RNASEL: variants seen among roughly 807,000 people sequenced by gnomAD.
The protein encoded by RNASEL is 2-5A-dependent ribonuclease.
RNASEL carries 36 observed loss-of-function variants against 50.9 expected under a neutral mutation model. The ratio of observed to expected loss-of-function variants is 0.71; its 90% CI spans 0.54 to 0.93. RNASEL has a LOEUF of 0.93. Ranked by LOEUF, RNASEL falls within the 40% of genes least tolerant of loss-of-function variation. The pLI, the probability that RNASEL is intolerant of heterozygous loss-of-function variation, is 0.00. For synonymous variants in RNASEL, 335 were observed against 335.6 expected, an observed-to-expected ratio of 1.00 and a Z score of 0.02; for missense variants, 860 against 894.5, an observed-to-expected ratio of 0.96 and a Z score of 0.49.
rs550229311 is a variant in RNASEL, at chr1:182,586,888, G to A, written c.-82C>T. The A allele has an allele frequency of 1.3e-6, 2 of 1,575,650 alleles. No homozygotes were observed. Among genetic ancestry groups the A allele is most frequent in the Admixed American group, 1.7e-5 (1 of 59,978 alleles). On this transcript the variant is annotated 5_prime_UTR_variant, in exon 2 of 7. Transcript: ENST00000367559. ...TATCTCCTAGCACTTAATCAAAGAA[G>A]CTTTGAGTGTAAATTGGGATTCTCT...
rs181809139 is a variant in RNASEL at position 182,579,336 on chromosome 1, G to A, written c.1905+1889C>T. The A allele has an allele frequency of 3.0e-4, 301 of 987,680 alleles. No homozygotes were observed. In the African/African-American group the frequency reaches 5.3e-3, roughly 17 times the overall value. 61.2% of individuals were successfully genotyped at this position (987,680 alleles called of 1,614,324 possible). A position where few individuals can be genotyped will look rare whatever the true frequency, so the allele number is the denominator to read the frequency against. On this transcript the variant is annotated intron_variant, in intron 5 of 6. Transcript: ENST00000367559. Reference sequence around the variant, plus strand: ...TGTGCTTGTCACCCTCATAGATACAGAGCCATAGATGGCTCTCATATTTAG... The same window carrying A: ...TGTGCTTGTCACCCTCATAGATACAAAGCCATAGATGGCTCTCATATTTAG...
intron 1 of RNASEL, among the ~76,000 whole-genome samples, chr1:182,588,930 T>G (rs1318614094): frequency 6.6e-6 from 1 of 152,190 alleles, no homozygotes; most frequent in African/African-American, 2.4e-5. Context: ...CTGTGCGACC[T>G]GAGTAAGTCG....
intron 5 of RNASEL, chr1:182,579,807 T>G: frequency 1.0e-6 from 1 of 986,178 alleles, no homozygotes; most frequent in Non-Finnish European, 1.4e-6. Flanking sequence ...CCAGCATGAG[T>G]AATTTGAGTG....
intron 1 of RNASEL, among the ~76,000 whole-genome samples, chr1:182,588,862 A>T (rs751596558): frequency 3.3e-5 from 5 of 152,198 alleles, no homozygotes; most frequent in Non-Finnish European, 7.3e-5. Context: ...CAGAGTAGAG[A>T]AGAGACGAGC....
chr1:182,585,346 T>C lies in RNASEL; in HGVS notation c.1461A>G (p.Gln487=), dbSNP rs1468242082. 1.9e-6 allele frequency: 3 copies of C among 1,613,988 alleles called. No homozygotes were observed. The highest frequency in any genetic ancestry group is 1.3e-5 in the African/African-American group (1 of 74,952). Residue 487 remains glutamine, a synonymous_variant, in exon 2 of 7, where the codon CAA becomes CAG. Coordinates refer to ENST00000367559, the MANE Select transcript of RNASEL (RefSeq NM_021133.4). ...LSCGYTHQDL[Q]PQNILIDSKK... is the part of the protein sequence containing the mutation. ...ACTCACCTATTAAGATGTTTTGTGGTTGCAGATCCTGGTGGGTGTATCCAC... is the reference window on the plus strand; with the variant it reads ...ACTCACCTATTAAGATGTTTTGTGGCTGCAGATCCTGGTGGGTGTATCCAC...
rs144337765 is a variant in RNASEL, at chr1:182,575,521, C to T, written c.2097G>A (p.Leu699=). 6.2e-7 allele frequency: 1 copy of T among 1,614,152 alleles called. No individual in the cohort carries two copies. The highest frequency in any genetic ancestry group is 1.7e-5 in the Admixed American group (1 of 60,022). Residue 699 remains leucine, a synonymous_variant, in exon 7 of 7, where the codon CTG becomes CTA. Transcript: ENST00000367559. ...SLYFQKTFPD[L]VIYVYTKLQN... ...GTAGTTTTGTGTAGACATAGATCAC[C>T]AGATCTGGAAATGTCTTCTGAAAAT...
intron 6 of RNASEL, 76 bp from the exon 7 acceptor site, chr1:182,575,654 G>T: frequency 6.4e-7 from 1 of 1,563,648 alleles, no homozygotes; most frequent in Admixed American, 1.8e-5. Context: ...TGGCCCTGAA[G>T]ATCTCTTTGC....
chr1:182,588,599 C>T (rs1443130654), intron 1 of RNASEL, among the ~76,000 whole-genome samples: 1 of 152,234 alleles, frequency 6.6e-6, no homozygotes, highest in Non-Finnish European at 1.5e-5. Flanking sequence ...ACTGCATCTG[C>T]TATAGAATTC....
chr1:182,582,407 G>A, intron 3 of RNASEL, 149 bp from the exon 4 acceptor site: 1 of 868,170 alleles, frequency 1.2e-6, no homozygotes, highest in Non-Finnish European at 1.9e-6. Context: ...ACAGATGTGT[G>A]CATACAGACC....
At chr1:182,587,568 G>A (rs10911100) in intron 1 of RNASEL, among the ~76,000 whole-genome samples, 26,725 of 146,890 alleles carry the variant, frequency 0.18, 3,024 homozygotes, top group East Asian at 0.47. Context: ...TTAACAAATT[G>A]CTTTCAATGT....
rs1661655686 is a variant in RNASEL at position 182,589,220 on chromosome 1, A to C, written c.-218T>G. On this transcript the variant is annotated 5_prime_UTR_variant, in exon 1 of 7. Coordinates refer to ENST00000367559, the MANE Select transcript of RNASEL (RefSeq NM_021133.4). ...CTTTGGCAGCCGCAAAGCCTGGAAGACTGCTTGCAGCCCGAGCAGTTTCCT... is the reference window on the plus strand; with the variant it reads ...CTTTGGCAGCCGCAAAGCCTGGAAGCCTGCTTGCAGCCCGAGCAGTTTCCT... The C allele has an allele frequency of 6.6e-6, 1 of 152,294 alleles. No homozygotes were observed. The highest frequency in any genetic ancestry group is 1.5e-5 in the Non-Finnish European group (1 of 68,080). 9.4% of individuals were successfully genotyped at this position (152,294 alleles called of 1,614,324 possible). A position where few individuals can be genotyped will look rare whatever the true frequency, so the allele number is the denominator to read the frequency against.
chr1:182,576,923 C>G (rs1191543814), intron 5 of RNASEL: 2 of 149,564 alleles, frequency 1.3e-5, no homozygotes, highest in Admixed American at 1.3e-4. Context: ...GTCACCAGGG[C>G]TGGAGTACAG....
chr1:182,586,251 T>A lies in RNASEL; in HGVS notation c.556A>T (p.Ile186Phe). ...AEKGHVEVLK[I>F]LLDEMGADVN... is the part of the protein sequence containing the mutation. Reference sequence around the variant, plus strand: ...TCTGCCCCCATCTCATCAAGGAGAATCTTCAAGACCTCTACGTGTCCTTTT... The same window carrying A: ...TCTGCCCCCATCTCATCAAGGAGAAACTTCAAGACCTCTACGTGTCCTTTT... The change falls in exon 2 of 7, where the codon ATT becomes TTT. Residue 186 changes from isoleucine to phenylalanine, a missense_variant. Ile to Phe is a conservative substitution (Grantham distance 21). Coordinates refer to ENST00000367559, the MANE Select transcript of RNASEL (RefSeq NM_021133.4). The A allele has an allele frequency of 6.2e-7, 1 of 1,614,208 alleles. No individual in the cohort carries two copies. Among genetic ancestry groups the A allele is most frequent in the African/African-American group, 1.3e-5 (1 of 75,052 alleles).
At position 182,586,230 on chromosome 1, in the gene RNASEL, C is replaced by T. The variant is rs2102371474; in HGVS notation, c.577G>A (p.Ala193Thr). Residue 193 changes from alanine to threonine, a missense_variant, in exon 2 of 7, where the codon GCA (alanine) becomes ACA (threonine). Transcript: ENST00000367559. ...ATATTGTCACAGGCGTTTACATCTG[C>T]CCCCATCTCATCAAGGAGAATCTTC... ...VLKILLDEMG[A>T]DVNACDNMGR... is the part of the protein sequence containing the mutation. The T allele has an allele frequency of 6.2e-7, 1 of 1,614,178 alleles. No individual in the cohort carries two copies. Among genetic ancestry groups the T allele is most frequent in the East Asian group, 2.2e-5 (1 of 44,876 alleles).
At chr1:182,589,004 G>T (rs12743617) in intron 1 of RNASEL, among the ~76,000 whole-genome samples, 163 bp downstream of exon 1, 6,395 of 152,302 alleles carry the variant, frequency 0.042, 214 homozygotes, top group African/African-American at 0.093. Flanking sequence ...CAGAACTCTG[G>T]AAGGGCACTG....
rs748029750 is a variant in RNASEL, at chr1:182,581,352, T to C, written c.1778A>G (p.Tyr593Cys). The C allele has an allele frequency of 4.3e-6, 7 of 1,614,040 alleles. 1 individual carries two copies. In the Admixed American group the frequency reaches 8.3e-5, roughly 19 times the overall value. ...ATTTCCCACATTCCGAAGCGTCCTA[T>C]AGCGGCTGAAGATGACTAAATGATC... The part of the protein sequence containing the change: ...HPFFWTWESR[Y>C]RTLRNVGNES... Residue 593 changes from tyrosine to cysteine, a missense_variant, in exon 5 of 7, where the codon TAT becomes TGT. Transcript: ENST00000367559.
intron 1 of RNASEL, among the ~76,000 whole-genome samples, chr1:182,587,553 C>A (rs1272463725): frequency 6.8e-6 from 1 of 147,498 alleles, no homozygotes; most frequent in African/African-American, 2.5e-5. Context: ...GATTCTTAAC[C>A]TATATTAACA....
In RNASEL at chr1:182,586,633, C is replaced by T. The variant is rs2102372404; in HGVS notation, c.174G>A (p.Gly58=). The change falls in exon 2 of 7, where the codon GGG becomes GGA. Residue 58 remains glycine, a synonymous_variant. Coordinates refer to ENST00000367559, the MANE Select transcript of RNASEL (RefSeq NM_021133.4). ...CTGCGTTATGCAGAGGTGTCCAGCC[C>T]CCTTCCTCTTCCTGGAAATTAACAT... ...GANVNFQEEE[G]GWTPLHNAVQ... is the part of the protein sequence containing the mutation. 6.2e-7 allele frequency: 1 copy of T among 1,613,470 alleles called. No homozygotes were observed. Among genetic ancestry groups the T allele is most frequent in the Non-Finnish European group, 8.5e-7 (1 of 1,179,392 alleles).
At chr1:182,579,489 G>C in intron 5 of RNASEL, 6 of 1,071,374 alleles carry the variant, frequency 5.6e-6, no homozygotes, top group Non-Finnish European at 6.8e-6. Flanking sequence ...ACTCTGTGCA[G>C]AACACCCGTG....
Sources: allele counts gnomAD v4.1 joint callset (sites outside exome capture counted in the v4.1 genomes callset), GRCh38; gene constraint gnomAD v4.1.1; transcripts MANE v1.5; gene names NCBI Gene and HGNC (gene_info 2026-07-23, HGNC 2026-07-21).